MTUS1: variants seen among roughly 807,000 people sequenced by gnomAD.
MTUS1 encodes microtubule-associated tumor suppressor 1.
Under a neutral mutation model 120.8 loss-of-function variants are expected in MTUS1, and 109 were observed. That is an observed-to-expected ratio of 0.90 (90% CI 0.77 to 1.06). MTUS1 has a LOEUF of 1.06. MTUS1 is among the 50% of genes least tolerant of loss of function. MTUS1 has a pLI of 0.00. For synonymous variants in MTUS1, 737 were observed against 550.5 expected (o/e 1.34, Z -4.74); for missense variants, 2,210 against 1,486.3 (o/e 1.49, Z -8.01).
chr8:17,655,828 G>C (rs756018972), intron 9 of MTUS1, 35 bp downstream of exon 9: 10 of 1,584,694 alleles, frequency 6.3e-6, no homozygotes, highest in Non-Finnish European at 8.7e-6. Context: ...AAGCAGCAGA[G>C]GCCTCAGACA....
At position 17,767,069 on chromosome 8, in the gene MTUS1, G is replaced by C. The variant is rs188088475; in HGVS notation, c.-154-11108C>G. Among the ~76,000 whole-genome samples, 5 of 151,650 alleles carry C rather than the reference G, an allele frequency of 3.3e-5. No individual in the cohort carries two copies. The East Asian group carries it at 9.8e-4, about 30-fold the overall frequency. On this transcript the variant is annotated intron_variant, in intron 1 of 14. Coordinates refer to ENST00000693296, the MANE Select transcript of MTUS1 (RefSeq NM_001363059.2). ...TATCATCACATAGTGTGGGTGGGGA[G>C]AATGAATGGAAATCACTCCAGAATA...
chr8:17,653,294 G>A lies in MTUS1; in HGVS notation c.3289-13C>T. 1 of 1,529,738 alleles carries A rather than the reference G, an allele frequency of 6.5e-7. No individual in the cohort carries two copies. Among genetic ancestry groups the A allele is most frequent in the East Asian group, 2.3e-5 (1 of 43,696 alleles). The allele number at this position is 1,529,738 out of a possible 1,614,324, so 94.8% of individuals were successfully genotyped here. A position where few individuals can be genotyped will look rare whatever the true frequency, so the allele number is the denominator to read the frequency against. On this transcript the variant is annotated splice_polypyrimidine_tract_variant and intron_variant, in intron 11 of 14. Coordinates refer to ENST00000693296, the MANE Select transcript of MTUS1 (RefSeq NM_001363059.2). ...CATTGATTTGCTTCTAAAACACAATGAAATGTGGAACTTAAGTTAACAAGA... is the reference window on the plus strand; with the variant it reads ...CATTGATTTGCTTCTAAAACACAATAAAATGTGGAACTTAAGTTAACAAGA...
At chr8:17,747,172 G>C (rs578242166) in intron 2 of MTUS1, among the ~76,000 whole-genome samples, 1 of 152,154 alleles carries the variant, frequency 6.6e-6, no homozygotes, top group Non-Finnish European at 1.5e-5. Flanking sequence ...GGAAGCCCCT[G>C]CCATCCTCTT....
At chr8:17,761,000 A>G (rs1190295914) in intron 1 of MTUS1, among the ~76,000 whole-genome samples, 1 of 152,062 alleles carries the variant, frequency 6.6e-6, no homozygotes, top group Non-Finnish European at 1.5e-5. Context: ...TAAGAGAATC[A>G]TTTGGGAAAA....
At chr8:17,685,024 TAC>T (rs1192741258) in intron 6 of MTUS1, among the ~76,000 whole-genome samples, 8 of 152,336 alleles carry the variant, frequency 5.3e-5, no homozygotes, top group Middle Eastern at 3.4e-3. Context: ...GCCTAGCCAT[TAC>T]ACAGATTTAT....
rs1805509114 is a variant in MTUS1 at position 17,645,003 on chromosome 8, G to A, written c.*923C>T. On this transcript the variant is annotated 3_prime_UTR_variant, in exon 15 of 15. Transcript: ENST00000693296. The stretch of plus-strand genomic sequence containing the variant: ...GTTAAATCTGCAAGGGTAGATCAAA[G>A]GTAAAAATAAGGTGGAAAAACCCAT... 6.6e-6 allele frequency: 1 copy of A among 152,500 alleles called. No individual in the cohort carries two copies. Among genetic ancestry groups the A allele is most frequent in the Non-Finnish European group, 1.5e-5 (1 of 68,018 alleles). The allele number at this position is 152,500 out of a possible 1,614,324, so 9.4% of individuals were successfully genotyped here. A position where few individuals can be genotyped will look rare whatever the true frequency, so the allele number is the denominator to read the frequency against.
At chr8:17,651,764 CCTCA>C in intron 12 of MTUS1, 1 of 152,238 alleles carries the variant, frequency 6.6e-6, no homozygotes, top group Middle Eastern at 3.4e-3. Context: ...CTTCTGTGTT[CCTCA>C]CTCTGACTCT....
At chr8:17,721,208 T>G (rs973573867) in intron 4 of MTUS1, among the ~76,000 whole-genome samples, 8 of 152,198 alleles carry the variant, frequency 5.3e-5, no homozygotes, top group African/African-American at 1.9e-4. Flanking sequence ...GGAAGTTAAT[T>G]CTTAACATGA....
intron 1 of MTUS1, among the ~76,000 whole-genome samples, chr8:17,756,745 C>T (rs7387994): frequency 6.7e-6 from 1 of 148,992 alleles, no homozygotes; most frequent in Admixed American, 6.7e-5. Context: ...CAGTCATAAG[C>T]GTGGAGTGCT....
chr8:17,693,893 A>G (rs1273478398), intron 6 of MTUS1, among the ~76,000 whole-genome samples: 1 of 152,206 alleles, frequency 6.6e-6, no homozygotes, highest in Non-Finnish European at 1.5e-5. Flanking sequence ...CTTCTTTATG[A>G]AACGAATGAA....
intron 1 of MTUS1, among the ~76,000 whole-genome samples, chr8:17,767,760 T>C (rs2049670986): frequency 1.3e-5 from 2 of 149,874 alleles, no homozygotes; most frequent in East Asian, 3.9e-4. Flanking sequence ...GCTCCAAGTT[T>C]GGGGGTTGGG....
chr8:17,711,117 G>A (rs192828400), intron 6 of MTUS1, among the ~76,000 whole-genome samples: 1 of 152,094 alleles, frequency 6.6e-6, no homozygotes, highest in African/African-American at 2.4e-5. Flanking sequence ...ATTCTTAAGG[G>A]CCCTAGAATT....
chr8:17,714,817 T>C (rs530674047), intron 5 of MTUS1, among the ~76,000 whole-genome samples: 32 of 152,108 alleles, frequency 2.1e-4, no homozygotes, highest in Non-Finnish European at 4.0e-4. Context: ...TGGGTCTCAT[T>C]TTATAGGTCA....
chr8:17,719,772 A>G (rs1823044857), intron 4 of MTUS1, among the ~76,000 whole-genome samples: 1 of 152,126 alleles, frequency 6.6e-6, no homozygotes, highest in South Asian at 2.1e-4. Flanking sequence ...TTCACTTCCC[A>G]TTCCTGTTGT....
intron 6 of MTUS1, among the ~76,000 whole-genome samples, chr8:17,692,562 C>T (rs575513802): frequency 4.3e-4 from 65 of 152,160 alleles, no homozygotes; most frequent in Non-Finnish European, 8.8e-4. Flanking sequence ...GAATTTCATC[C>T]TAATTAAACA....
intron 8 of MTUS1, among the ~76,000 whole-genome samples, chr8:17,659,498 C>T (rs1269287227): frequency 6.6e-6 from 1 of 152,084 alleles, no homozygotes; most frequent in Non-Finnish European, 1.5e-5. Flanking sequence ...ATATCCAGAC[C>T]ATCCTGGCCA....
intron 7 of MTUS1, among the ~76,000 whole-genome samples, chr8:17,683,282 A>G (rs1404812249): frequency 6.6e-6 from 1 of 152,082 alleles, no homozygotes; most frequent in Non-Finnish European, 1.5e-5. Context: ...AAAAAAAAAG[A>G]GAATTCATTG....
Position 17,763,685 on chromosome 8 carries a change from A to G in MTUS1, c.-154-7724T>C, listed in dbSNP as rs146056619. On this transcript the variant is annotated intron_variant, in intron 1 of 14. Coordinates refer to ENST00000693296, the MANE Select transcript of MTUS1 (RefSeq NM_001363059.2). ...CAACAGGATTAACAGTACCCTACCCAGCCTGGAGCCCCAGGCAAAGGGAAA... is the reference window on the plus strand; with the variant it reads ...CAACAGGATTAACAGTACCCTACCCGGCCTGGAGCCCCAGGCAAAGGGAAA... Among the ~76,000 whole-genome samples, 1,441 of 152,292 alleles carry G rather than the reference A, an allele frequency of 9.5e-3. 25 individuals are homozygous for G. The highest frequency in any genetic ancestry group is 0.033 in the African/African-American group (1,359 of 41,546).
chr8:17,665,551 G>C (rs553558093), intron 8 of MTUS1, among the ~76,000 whole-genome samples: 18 of 152,140 alleles, frequency 1.2e-4, no homozygotes, highest in African/African-American at 4.1e-4. Context: ...AGTAGATATG[G>C]GGTTTCACCA....
Sources: gnomAD v4.1 joint callset for allele counts (sites outside exome capture counted in the v4.1 genomes callset) on GRCh38, gnomAD v4.1.1 for gene constraint, MANE v1.5 for transcripts, NCBI Gene and HGNC (gene_info 2026-07-23, HGNC 2026-07-21) for gene names.